SLC6A16: variants seen among roughly 807,000 people sequenced by gnomAD.
The protein encoded by SLC6A16 is solute carrier family 6 member 16.
A neutral mutation model predicts 65.4 loss-of-function variants in SLC6A16; 54 were observed. The ratio of observed to expected loss-of-function variants is 0.83; its 90% CI spans 0.66 to 1.04. SLC6A16 has a LOEUF of 1.04. Among genes scored for constraint, SLC6A16 ranks in the 50% least tolerant of loss-of-function variants. The pLI, the probability that SLC6A16 is intolerant of heterozygous loss-of-function variation, is 0.00. For missense variants in SLC6A16, 816 were observed against 914.0 expected (o/e 0.89, Z 1.38); for synonymous variants, 330 against 346.5 (o/e 0.95, Z 0.53).
At chr19:49,327,488 A>T (rs942001458), upstream of SLC6A16, among the ~76,000 whole-genome samples, 1 of 152,222 alleles carries the variant, frequency 6.6e-6, no homozygotes, top group Non-Finnish European at 1.5e-5. Flanking sequence ...GAACATCTCA[A>T]GCCTTGAGGC....
chr19:49,301,203 C>G (rs1373591086), intron 7 of SLC6A16, among the ~76,000 whole-genome samples: 1 of 152,182 alleles, frequency 6.6e-6, no homozygotes, highest in Non-Finnish European at 1.5e-5. Flanking sequence ...ACCCCATCCC[C>G]CGAGCCAGCA....
chr19:49,335,664 C>G, the SLC6A16 span: 1 of 1,610,108 alleles, frequency 6.2e-7, no homozygotes, highest in African/African-American at 1.3e-5. The surrounding 1 kb of genome is among the most constrained non-coding windows in gnomAD (Gnocchi z 4.6). Context: ...CTAACCCAGC[C>G]CTCATCTTCC....
chr19:49,313,072 CAAAAA>C (rs5828385), intron 1 of SLC6A16, among the ~76,000 whole-genome samples: 67 of 95,760 alleles, frequency 7.0e-4, no homozygotes, highest in East Asian at 1.7e-3. Context: ...AACCCTGTCT[CAAAAA>C]AAAAAAAAAA....
At chr19:49,339,532 C>T in the SLC6A16 span, 11 of 1,471,310 alleles carry the variant, frequency 7.5e-6, no homozygotes, top group Non-Finnish European at 7.3e-6. This position sits in a 1 kb window ranked among gnomAD's most constrained non-coding sequence, Gnocchi z 4.5. Flanking sequence ...CAGCCCACCC[C>T]GGCCCTCCCG....
chr19:49,335,474 C>G, the SLC6A16 span: 2 of 1,100,508 alleles, frequency 1.8e-6, no homozygotes, highest in Non-Finnish European at 2.8e-6. The surrounding 1 kb of genome is among the most constrained non-coding windows in gnomAD (Gnocchi z 4.6). Flanking sequence ...CTTTCTTTCT[C>G]CCTGTCTCCC....
At chr19:49,294,724 C>T (rs1021394335) in intron 7 of SLC6A16, among the ~76,000 whole-genome samples, 171 bp from the exon 8 acceptor site, 1 of 152,024 alleles carries the variant, frequency 6.6e-6, no homozygotes, top group South Asian at 2.1e-4. Flanking sequence ...GACGTGAATT[C>T]GTTTGTGTAA....
At chr19:49,339,259 T>C in the SLC6A16 span, 1 of 1,421,844 alleles carries the variant, frequency 7.0e-7, no homozygotes, top group Non-Finnish European at 9.9e-7. This position sits in a 1 kb window ranked among gnomAD's most constrained non-coding sequence, Gnocchi z 4.5. Context: ...AGGGTTGGCC[T>C]GAAAAGAACG....
the SLC6A16 span, chr19:49,339,472 T>G: frequency 3.2e-6 from 5 of 1,565,372 alleles, no homozygotes; most frequent in Non-Finnish European, 4.4e-6. This position sits in a 1 kb window ranked among gnomAD's most constrained non-coding sequence, Gnocchi z 4.5. Context: ...GCCCTGCCCT[T>G]CATTTCGCGT....
the SLC6A16 span, chr19:49,339,285 A>G: frequency 1.3e-6 from 2 of 1,538,970 alleles, no homozygotes; most frequent in South Asian, 1.1e-5. The surrounding 1 kb of genome is among the most constrained non-coding windows in gnomAD (Gnocchi z 4.5). Flanking sequence ...CCTGGGCTTG[A>G]GAGTCCCAGA....
At chr19:49,297,990 A>G (rs1386612850) in intron 7 of SLC6A16, among the ~76,000 whole-genome samples, 1 of 152,228 alleles carries the variant, frequency 6.6e-6, no homozygotes, top group African/African-American at 2.4e-5. Flanking sequence ...ATGATATAGT[A>G]AAAAGGTCTA....
chr19:49,300,618 A>C (rs1970270634), intron 7 of SLC6A16, among the ~76,000 whole-genome samples: 2 of 152,176 alleles, frequency 1.3e-5, no homozygotes, highest in South Asian at 2.1e-4. Flanking sequence ...AAAGAGAAAA[A>C]ACAAAATACA....
At chr19:49,295,156 T>C (rs1329555551) in intron 7 of SLC6A16, among the ~76,000 whole-genome samples, 2 of 151,986 alleles carry the variant, frequency 1.3e-5, no homozygotes, top group African/African-American at 4.8e-5. Context: ...CTACAAACCC[T>C]TAAAAATTCA....
chr19:49,339,194 A>T, the SLC6A16 span: 1 of 790,706 alleles, frequency 1.3e-6, no homozygotes, highest in Non-Finnish European at 2.1e-6. The surrounding 1 kb of genome is among the most constrained non-coding windows in gnomAD (Gnocchi z 4.5). Flanking sequence ...TGCACTAGTA[A>T]GGAGACTAGA....
At chr19:49,311,575 C>T (rs3760667) in intron 1 of SLC6A16, among the ~76,000 whole-genome samples, 164 bp from the exon 2 acceptor site, 36,648 of 151,934 alleles carry the variant, frequency 0.24, 4,647 homozygotes, top group South Asian at 0.4. Flanking sequence ...AATGTTTTCA[C>T]GTGGTGGCTC....
Position 49,310,098 on chromosome 19 carries a change from GGACT to G in SLC6A16, c.638_641del (p.Gln213ProfsTer13). 6.2e-7 allele frequency: 1 copy of G among 1,614,114 alleles called. No individual in the cohort carries two copies. Among genetic ancestry groups the G allele is most frequent in the African/African-American group, 1.3e-5 (1 of 75,002 alleles). ...TCTCCCATGGAACGGGAAACTGGAAGGACTGGCTCATGTAGAAGATGATCCAGGA... is the reference window on the plus strand; with the variant it reads ...TCTCCCATGGAACGGGAAACTGGAAGGGCTCATGTAGAAGATGATCCAGGA... On this transcript the variant is annotated frameshift_variant, in exon 4 of 12. Transcript: ENST00000335875. LOFTEE classifies it high-confidence loss of function.
rs779382239 is a variant in SLC6A16 at position 49,293,357 on chromosome 19, C to T, written c.1644G>A (p.Val548=). 1 of 1,614,150 alleles carries T rather than the reference C, an allele frequency of 6.2e-7. No individual in the cohort carries two copies. The highest frequency in any genetic ancestry group is 8.5e-7 in the Non-Finnish European group (1 of 1,180,036). ...LIVGVFLLMF[V]CGLFFTRPSG... is the part of the protein sequence containing the mutation. ...AAGGTCGAGTGAAGAAGAGGCCGCA[C>T]ACGAACATGAGCAAAAAGACTCCCA... Residue 548 remains valine (V), a synonymous_variant, in exon 10 of 12, where the codon GTG becomes GTA. Coordinates refer to ENST00000335875, the MANE Select transcript of SLC6A16 (RefSeq NM_014037.3).
At chr19:49,321,958 A>G (rs1970718334) in intron 1 of SLC6A16, among the ~76,000 whole-genome samples, 1 of 152,116 alleles carries the variant, frequency 6.6e-6, no homozygotes, top group Non-Finnish European at 1.5e-5. Context: ...CCAACATAAT[A>G]GCCATATACG....
intron 1 of SLC6A16, among the ~76,000 whole-genome samples, chr19:49,316,587 T>C (rs979868487): frequency 4.6e-5 from 7 of 152,046 alleles, no homozygotes; most frequent in African/African-American, 7.2e-5. Flanking sequence ...GAGTCAACAA[T>C]AGAAACTGAA....
Position 49,310,966 on chromosome 19 carries a change from G to A in SLC6A16, c.382C>T (p.Arg128Cys), listed in dbSNP as rs373979315. The A allele has an allele frequency of 3.0e-5, 48 of 1,613,940 alleles. No homozygotes were observed. The highest frequency in any genetic ancestry group is 5.5e-5 in the South Asian group (5 of 91,082). The change falls in exon 2 of 12, where the codon CGC becomes TGC. Residue 128 changes from arginine (R) to cysteine (C), a missense_variant. By Grantham distance (180) the Arg-to-Cys change is radical. Coordinates refer to ENST00000335875, the MANE Select transcript of SLC6A16 (RefSeq NM_014037.3). ...CTGTTAAGCCACAGGTAGGCAAAGCGCCAGAGACAAGATGGCTTCATAGAG... is the reference window on the plus strand; with the variant it reads ...CTGTTAAGCCACAGGTAGGCAAAGCACCAGAGACAAGATGGCTTCATAGAG... Reference protein sequence around the residue: ...GFSMKPSCLWRFAYLWLNSGG... With the variant: ...GFSMKPSCLWCFAYLWLNSGG...
Sources: gnomAD v4.1 joint callset for allele counts (sites outside exome capture counted in the v4.1 genomes callset) on GRCh38, gnomAD v4.1.1 for gene constraint, Gnocchi (gnomAD v3.1) non-coding constraint, MANE v1.5 for transcripts, NCBI Gene and HGNC (gene_info 2026-07-23, HGNC 2026-07-21) for gene names.